The following MICAL2 variants were observed in gnomAD, a reference collection of about 807,000 sequenced individuals.
MICAL2 encodes the protein [F-actin]-monooxygenase MICAL2.
Under a neutral mutation model 127.3 loss-of-function variants are expected in MICAL2, and 77 were observed. The ratio of observed to expected loss-of-function variants is 0.60; its 90% CI spans 0.50 to 0.73. The LOEUF (loss-of-function observed/expected upper bound fraction) is 0.73. Among genes scored for constraint, MICAL2 ranks in the 30% least tolerant of loss-of-function variants. MICAL2 has a pLI of 0.00. For missense variants in MICAL2, 1,351 were observed against 1,434.4 expected, an observed-to-expected ratio of 0.94 and a Z score of 0.94; for synonymous variants, 570 against 551.1, an observed-to-expected ratio of 1.03 and a Z score of -0.48.
downstream of MICAL2, among the ~76,000 whole-genome samples, chr11:12,267,988 G>T (rs185979560): frequency 2.0e-5 from 3 of 152,322 alleles, no homozygotes; most frequent in East Asian, 5.8e-4. Flanking sequence ...CAGGGGTCTT[G>T]GTTGCCTTTC....
chr11:12,343,853 T>C (rs987420421), intron 32 of MICAL2, among the ~76,000 whole-genome samples: 7 of 152,092 alleles, frequency 4.6e-5, no homozygotes, highest in African/African-American at 7.2e-5. Context: ...TCTAGAAACA[T>C]TAAACAAATA....
At chr11:12,183,597 G>A (rs988043645) in intron 3 of MICAL2, among the ~76,000 whole-genome samples, 6 of 152,178 alleles carry the variant, frequency 3.9e-5, no homozygotes, top group African/African-American at 1.4e-4. Flanking sequence ...GTGGAGGTGA[G>A]AGGGACACTC....
At chr11:12,249,009 A>G (rs1184210021) in intron 21 of MICAL2, among the ~76,000 whole-genome samples, 175 bp from the exon 22 acceptor site, 1 of 152,146 alleles carries the variant, frequency 6.6e-6, no homozygotes, top group Non-Finnish European at 1.5e-5. Context: ...TAGTTTCTTA[A>G]CCTATAAAGT....
chr11:12,232,998 G>A (rs1432477016), intron 15 of MICAL2, among the ~76,000 whole-genome samples: 1 of 152,146 alleles, frequency 6.6e-6, no homozygotes, highest in African/African-American at 2.4e-5. Flanking sequence ...TATCCATGGT[G>A]TATTTGCTAC....
chr11:12,193,032 G>C (rs1048041831), intron 3 of MICAL2, among the ~76,000 whole-genome samples: 2 of 152,178 alleles, frequency 1.3e-5, no homozygotes, highest in Non-Finnish European at 2.9e-5. Flanking sequence ...CAGGCTGCCT[G>C]CTTCTAGTCT....
Position 12,162,319 on chromosome 11 carries a change from C to G in MICAL2, c.164C>G (p.Ser55Cys), listed in dbSNP as rs866890195. 4.3e-6 allele frequency: 7 copies of G among 1,614,118 alleles called. No individual in the cohort carries two copies. The highest frequency in any genetic ancestry group is 5.9e-6 in the Non-Finnish European group (7 of 1,180,054). ...DHRNFYSKLK[S>C]KVTTWKAKAL... ...AGAAACTTTTATTCCAAGCTCAAGT[C>G]CAAGGTGACCACCTGGAAAGCCAAA... The change falls in exon 3 of 28, where the codon TCC (serine) becomes TGC (cysteine). Residue 55 changes from serine (S) to cysteine (C), a missense_variant. Ser to Cys is a moderately radical substitution (Grantham distance 112). Transcript: ENST00000683283.
chr11:12,159,189 G>T (rs193152238), intron 2 of MICAL2, among the ~76,000 whole-genome samples: 13 of 152,210 alleles, frequency 8.5e-5, no homozygotes, highest in Non-Finnish European at 1.2e-4. Flanking sequence ...TTCCACTGGA[G>T]CCCGAAGACG....
chr11:12,197,217 T>G (rs899753579), intron 3 of MICAL2, among the ~76,000 whole-genome samples: 2 of 152,204 alleles, frequency 1.3e-5, no homozygotes, highest in African/African-American at 4.8e-5. Flanking sequence ...AATATAGGAT[T>G]GGGATTTTGA....
intron 33 of MICAL2, among the ~76,000 whole-genome samples, chr11:12,351,622 C>T (rs984289088): frequency 4.6e-5 from 7 of 152,094 alleles, no homozygotes; most frequent in East Asian, 1.9e-4. Context: ...GTTGAGCTCA[C>T]GTAGTCTATT....
intron 26 of MICAL2, 70 bp from the exon 27 acceptor site, chr11:12,262,410 C>G (rs1863253526): frequency 1.2e-6 from 2 of 1,605,236 alleles, no homozygotes; most frequent in South Asian, 2.2e-5. Context: ...TAATCATTTC[C>G]TTTTTTCCCC....
chr11:12,349,578 T>C (rs576701517), intron 32 of MICAL2, among the ~76,000 whole-genome samples: 3 of 152,276 alleles, frequency 2.0e-5, no homozygotes, highest in Non-Finnish European at 4.4e-5. Context: ...TGGGATGTTA[T>C]CGTGGTTATG....
chr11:12,291,130 G>A (rs1015845378), downstream of MICAL2, among the ~76,000 whole-genome samples: 1 of 152,162 alleles, frequency 6.6e-6, no homozygotes, highest in East Asian at 1.9e-4. Flanking sequence ...GTTTCTGGGG[G>A]ACATCCCTAC....
chr11:12,250,954 T>A (rs1861452071), intron 22 of MICAL2, among the ~76,000 whole-genome samples: 1 of 152,164 alleles, frequency 6.6e-6, no homozygotes, highest in Admixed American at 6.5e-5. Flanking sequence ...TATCTAGGAT[T>A]TCTCCATGAG....
At chr11:12,153,836 T>G (rs930663724) in intron 2 of MICAL2, among the ~76,000 whole-genome samples, 2 of 152,188 alleles carry the variant, frequency 1.3e-5, no homozygotes, top group African/African-American at 4.8e-5. Context: ...GAGTTCACAG[T>G]TTTCCTGGGC....
At chr11:12,219,275 A>G (rs1211615692) in intron 8 of MICAL2, among the ~76,000 whole-genome samples, 1 of 152,116 alleles carries the variant, frequency 6.6e-6, no homozygotes, top group Non-Finnish European at 1.5e-5. Context: ...CTGGGGATAC[A>G]CTAAACTTGC....
intron 24 of MICAL2, 179 bp downstream of exon 24, chr11:12,257,150 T>C: frequency 1.5e-6 from 1 of 670,900 alleles, no homozygotes; most frequent in Non-Finnish European, 2.4e-6. Flanking sequence ...GGAGGCTGCC[T>C]GTGGTCCCAG....
intron 5 of MICAL2, chr11:12,208,446 T>G: frequency 3.7e-6 from 1 of 268,104 alleles, no homozygotes; most frequent in East Asian, 9.2e-5. Context: ...ATTTGGTTGT[T>G]TGGTAAGGTT....
intron 2 of MICAL2, 43 bp from the exon 3 acceptor site, chr11:12,162,036 C>T (rs1854868964): frequency 1.4e-6 from 2 of 1,415,200 alleles, no homozygotes; most frequent in African/African-American, 1.4e-5. Flanking sequence ...CCACCCTAAC[C>T]TCATCGTCCA....
chr11:12,267,106 C>A (rs111747674), downstream of MICAL2, among the ~76,000 whole-genome samples: 4,398 of 152,318 alleles, frequency 0.029, 84 homozygotes, highest in Non-Finnish European at 0.046. Context: ...AAGGCAACAG[C>A]CACCTCCCTT....
Sources: allele counts gnomAD v4.1 joint callset (sites outside exome capture counted in the v4.1 genomes callset), GRCh38; gene constraint gnomAD v4.1.1; transcripts MANE v1.5; gene names NCBI Gene and HGNC (gene_info 2026-07-23, HGNC 2026-07-21).